The following EIF4B variants were observed in gnomAD, a reference collection of about 807,000 sequenced individuals.
EIF4B encodes eukaryotic translation initiation factor 4B.
In EIF4B, 8 loss-of-function variants were observed where a neutral mutation model predicts 79.3. The ratio of observed to expected loss-of-function variants is 0.10; its 90% CI spans 0.06 to 0.18. The LOEUF (loss-of-function observed/expected upper bound fraction) is 0.18, where lower values mean the gene tolerates loss of function less well. Ranked by LOEUF, EIF4B falls within the 10% of genes least tolerant of loss-of-function variation. The pLI is 1.00. For synonymous variants in EIF4B, 238 were observed against 274.7 expected (o/e 0.87, Z 1.32); for missense variants, 515 against 792.4 (o/e 0.65, Z 4.20).
Position 53,033,912 on chromosome 12 carries a change from A to T in EIF4B, c.1086A>T (p.Gly362=). The change falls in exon 9 of 15, where the codon GGA becomes GGT. Residue 362 remains glycine, a synonymous_variant. Transcript: ENST00000262056. ...SQSTRAASIF[G]GAKPVDTAAR... ...CCACTCGAGCTGCTTCTATCTTTGGAGGGGCAAAGCCTGTTGACACAGCTG... is the reference window on the plus strand; with the variant it reads ...CCACTCGAGCTGCTTCTATCTTTGGTGGGGCAAAGCCTGTTGACACAGCTG... 1 of 1,614,162 alleles carries T rather than the reference A, an allele frequency of 6.2e-7. No homozygotes were observed. Among genetic ancestry groups the T allele is most frequent in the Non-Finnish European group, 8.5e-7 (1 of 1,179,992 alleles).
At chr12:53,032,669 GT>G (rs779279397) in intron 8 of EIF4B, among the ~76,000 whole-genome samples, 1,343 of 132,234 alleles carry the variant, frequency 0.01, 13 homozygotes, top group African/African-American at 0.021. Flanking sequence ...GGGTTTTTTT[GT>G]TTTTTTTTTT....
intron 1 of EIF4B, among the ~76,000 whole-genome samples, chr12:53,016,074 A>G (rs1423274004): frequency 1.3e-5 from 2 of 152,024 alleles, no homozygotes; most frequent in Non-Finnish European, 2.9e-5. Context: ...TGAATATGTT[A>G]TGTGAGATAC....
At chr12:53,010,761 T>C (rs1292483355) in intron 1 of EIF4B, among the ~76,000 whole-genome samples, 1 of 151,946 alleles carries the variant, frequency 6.6e-6, no homozygotes, top group Non-Finnish European at 1.5e-5. Flanking sequence ...GTTCTAGAGA[T>C]GGAGTTTCAC....
intron 11 of EIF4B, 55 bp downstream of exon 11, chr12:53,037,677 T>C (rs1248406112): frequency 1.3e-6 from 2 of 1,579,332 alleles, no homozygotes; most frequent in East Asian, 2.2e-5. Context: ...AATACTGTGA[T>C]GTAATGATGG....
chr12:53,032,509 C>A (rs1435849279), intron 8 of EIF4B, among the ~76,000 whole-genome samples: 1 of 152,176 alleles, frequency 6.6e-6, no homozygotes, highest in African/African-American at 2.4e-5. Context: ...AAGATACTTT[C>A]ATCCAGTAGT....
At chr12:53,023,574 T>TA (rs1252285134) in intron 6 of EIF4B, among the ~76,000 whole-genome samples, 1 of 140,618 alleles carries the variant, frequency 7.1e-6, no homozygotes, top group Non-Finnish European at 1.5e-5. Flanking sequence ...AATTAAAATG[T>TA]AAAATTTTTT....
At chr12:53,021,079 A>C (rs1328613612) in intron 4 of EIF4B, among the ~76,000 whole-genome samples, 2 of 152,206 alleles carry the variant, frequency 1.3e-5, no homozygotes, top group African/African-American at 4.8e-5. Context: ...TTATCCTTCA[A>C]CTGTAGATTC....
At chr12:53,037,869 G>GT (rs1943565373) in intron 11 of EIF4B, 1 of 523,836 alleles carries the variant, frequency 1.9e-6, no homozygotes, top group Admixed American at 3.6e-5. Flanking sequence ...TGCAAATACT[G>GT]TAAGTCAGAG....
At chr12:53,019,441 T>TTTTTTA (rs750718704) in intron 3 of EIF4B, among the ~76,000 whole-genome samples, 4 of 108,376 alleles carry the variant, frequency 3.7e-5, no homozygotes, top group South Asian at 3.3e-4. Flanking sequence ...ATATATATTT[T>TTTTTTA]TTTTTTTTCT....
At chr12:53,007,007 G>T (rs1016673640) in intron 1 of EIF4B, among the ~76,000 whole-genome samples, 5 of 152,114 alleles carry the variant, frequency 3.3e-5, no homozygotes, top group South Asian at 2.1e-4. Flanking sequence ...GGGGAAGGCA[G>T]CGGTGCGCGT....
In EIF4B at chr12:53,040,225, C is replaced by T. The variant is rs1565594688; in HGVS notation, c.*2C>T. 3.1e-6 allele frequency: 5 copies of T among 1,611,242 alleles called. No homozygotes were observed. The highest frequency in any genetic ancestry group is 1.7e-5 in the Admixed American group (1 of 60,020). ...GAGGGAGAAGATTATGCCGAATAGA[C>T]CTCTACATCCTGTGCTTTTCTCCTA... is the stretch of plus-strand genomic sequence containing the variant. On this transcript the variant is annotated 3_prime_UTR_variant, in exon 15 of 15. Coordinates refer to ENST00000262056, the MANE Select transcript of EIF4B (RefSeq NM_001417.7).
intron 1 of EIF4B, among the ~76,000 whole-genome samples, chr12:53,015,668 A>G (rs1366274372): frequency 7.5e-6 from 1 of 133,592 alleles, no homozygotes; most frequent in East Asian, 2.2e-4. Context: ...ACAACAGAGC[A>G]AGACCCTGTC....
chr12:53,023,939 T>C (rs1246183433), intron 6 of EIF4B, among the ~76,000 whole-genome samples: 3 of 152,186 alleles, frequency 2.0e-5, no homozygotes, highest in Non-Finnish European at 4.4e-5. Context: ...ACTCAAGATA[T>C]AGCAGTGAAC....
intron 1 of EIF4B, among the ~76,000 whole-genome samples, chr12:53,006,873 G>C (rs1041444365): frequency 3.4e-4 from 51 of 151,608 alleles, no homozygotes; most frequent in African/African-American, 1.2e-3. Flanking sequence ...GTTGCTGCGC[G>C]GACGAGTGCA....
intron 8 of EIF4B, among the ~76,000 whole-genome samples, chr12:53,029,871 G>A (rs1592224470): frequency 1.3e-5 from 2 of 152,080 alleles, no homozygotes; most frequent in South Asian, 4.2e-4. Flanking sequence ...TCAGAAAATG[G>A]TGAAGTCTTT....
At chr12:53,016,688 T>C in intron 2 of EIF4B, 78 bp downstream of exon 2, 1 of 1,491,520 alleles carries the variant, frequency 6.7e-7, no homozygotes, top group South Asian at 1.4e-5. Flanking sequence ...ATTCACATCG[T>C]TTGTAATCTG....
chr12:53,014,365 A>G (rs1314686154), intron 1 of EIF4B, among the ~76,000 whole-genome samples: 1 of 151,298 alleles, frequency 6.6e-6, no homozygotes, highest in African/African-American at 2.4e-5. Flanking sequence ...GTGAACTGAG[A>G]TCGCGCCACT....
chr12:53,012,615 T>G (rs1592213694), intron 1 of EIF4B, among the ~76,000 whole-genome samples: 1 of 151,550 alleles, frequency 6.6e-6, no homozygotes, highest in Non-Finnish European at 1.5e-5. Flanking sequence ...TTTTTTCTTT[T>G]TTTTGTGGGG....
chr12:53,037,338 C>A lies in EIF4B; in HGVS notation c.1307-71C>A, dbSNP rs1028997410. On this transcript the variant is annotated intron_variant, in intron 10 of 14. Transcript: ENST00000262056. ...ACTTGGATGTGGACCATTTTCCACACTGTTGAGATCCTGGTAGATGCGTGA... is the reference window on the plus strand; with the variant it reads ...ACTTGGATGTGGACCATTTTCCACAATGTTGAGATCCTGGTAGATGCGTGA... The A allele has an allele frequency of 3.9e-6, 6 of 1,520,022 alleles. 1 individual carries two copies. In the Admixed American group the frequency reaches 1.0e-4, roughly 26 times the overall value. 94.2% of individuals were successfully genotyped at this position (1,520,022 alleles called of 1,614,324 possible).
Sources: allele counts gnomAD v4.1 joint callset (sites outside exome capture counted in the v4.1 genomes callset), GRCh38; gene constraint gnomAD v4.1.1; transcripts MANE v1.5; gene names NCBI Gene and HGNC (gene_info 2026-07-23, HGNC 2026-07-21).